The following CDH8 variants were observed in gnomAD, a reference collection of about 807,000 sequenced individuals.
CDH8 encodes the protein cadherin 8.
In CDH8, 17 loss-of-function variants were observed where a neutral mutation model predicts 68.1. That is an observed-to-expected ratio of 0.25 (90% CI 0.17 to 0.37). CDH8 has a LOEUF of 0.37. CDH8 is among the 10% of genes least tolerant of loss of function. CDH8 has a pLI of 1.00. For synonymous variants in CDH8, 372 were observed against 365.1 expected (o/e 1.02, Z -0.21); for missense variants, 763 against 999.3 (o/e 0.76, Z 3.19).
chr16:62,007,627 A>C (rs1965999687), intron 2 of CDH8, among the ~76,000 whole-genome samples: 1 of 152,316 alleles, frequency 6.6e-6, no homozygotes, highest in East Asian at 1.9e-4. Flanking sequence ...CTGTGTGAAC[A>C]GAAAAGTATA....
At chr16:61,936,022 G>A (rs563379996) in intron 2 of CDH8, among the ~76,000 whole-genome samples, 2 of 152,176 alleles carry the variant, frequency 1.3e-5, no homozygotes, top group African/African-American at 2.4e-5. Context: ...TACTAGCTGT[G>A]TCCTTTAAAA....
At position 61,652,963 on chromosome 16, in the gene CDH8, C is replaced by T. The variant is rs901992990; in HGVS notation, c.*645G>A. ...CACCACTGAATTGGCAAGCCCCACC[C>T]TGGAATGGATTACGAACATGTGAAT... On this transcript the variant is annotated 3_prime_UTR_variant, in exon 12 of 12. Transcript: ENST00000577390. The T allele has an allele frequency of 2.6e-5, 40 of 1,516,762 alleles. No homozygotes were observed. Among genetic ancestry groups the T allele is most frequent in the Non-Finnish European group, 3.2e-5 (36 of 1,138,746 alleles). The allele number at this position is 1,516,762 out of a possible 1,614,324, so 94.0% of individuals were successfully genotyped here.
At chr16:61,782,331 C>CG (rs1257901923) in intron 8 of CDH8, among the ~76,000 whole-genome samples, 4 of 152,216 alleles carry the variant, frequency 2.6e-5, no homozygotes, top group African/African-American at 7.2e-5. Context: ...GGGTGACGGA[C>CG]GCACCTGGAA....
chr16:61,851,367 A>T (rs1016569947), intron 4 of CDH8, among the ~76,000 whole-genome samples: 13 of 152,070 alleles, frequency 8.5e-5, no homozygotes, highest in Admixed American at 7.9e-4. Context: ...TCAATGAATT[A>T]ACTTAGTTTA....
chr16:61,739,915 A>ATATATATATAT (rs373723105), intron 8 of CDH8, among the ~76,000 whole-genome samples: 1 of 109,574 alleles, frequency 9.1e-6, no homozygotes, highest in African/African-American at 3.7e-5. Context: ...ATATATATGT[A>ATATATATATAT]TTTTTTTTTT....
intron 1 of CDH8, among the ~76,000 whole-genome samples, chr16:62,035,869 C>A (rs917921317): frequency 6.6e-6 from 1 of 152,168 alleles, no homozygotes; most frequent in African/African-American, 2.4e-5. Context: ...AACAGTCAGG[C>A]AAAACCTTGA....
At chr16:62,025,221 G>T (rs1358678223) in intron 1 of CDH8, among the ~76,000 whole-genome samples, 2 of 152,154 alleles carry the variant, frequency 1.3e-5, no homozygotes, top group Non-Finnish European at 2.9e-5. Context: ...ATCTCTGAAT[G>T]AATCAGCATC....
intron 3 of CDH8, among the ~76,000 whole-genome samples, chr16:61,865,810 G>C (rs996614294): frequency 1.3e-5 from 2 of 152,152 alleles, no homozygotes; most frequent in African/African-American, 4.8e-5. Context: ...GTAAATGCTT[G>C]AGAACTAAAT....
At chr16:61,891,211 G>A (rs1421235871) in intron 3 of CDH8, among the ~76,000 whole-genome samples, 1 of 152,030 alleles carries the variant, frequency 6.6e-6, no homozygotes, top group African/African-American at 2.4e-5. Flanking sequence ...TTGGTTAATT[G>A]TATTTTTCTG....
chr16:61,943,316 C>T (rs745920196), intron 2 of CDH8, among the ~76,000 whole-genome samples: 4 of 152,044 alleles, frequency 2.6e-5, no homozygotes, highest in Non-Finnish European at 4.4e-5. Context: ...ACTAACATTA[C>T]GTGTTGCGTG....
At chr16:61,775,015 G>A (rs370058974) in intron 8 of CDH8, among the ~76,000 whole-genome samples, 38 of 152,092 alleles carry the variant, frequency 2.5e-4, no homozygotes, top group African/African-American at 7.5e-4. Flanking sequence ...AATACAAATC[G>A]CTATTTAAGA....
At chr16:61,886,621 CAAG>C (rs1383272999) in intron 3 of CDH8, among the ~76,000 whole-genome samples, 5 of 152,306 alleles carry the variant, frequency 3.3e-5, no homozygotes, top group African/African-American at 1.2e-4. Flanking sequence ...AGCAAACCAA[CAAG>C]AAGTTTCACA....
At chr16:61,964,805 C>T (rs571053406) in intron 2 of CDH8, among the ~76,000 whole-genome samples, 9 of 152,280 alleles carry the variant, frequency 5.9e-5, no homozygotes, top group South Asian at 2.1e-4. Context: ...TTCCATCCTA[C>T]CCTACTGCTT....
Position 61,711,042 on chromosome 16 carries a change from C to T in CDH8, c.1654+2799G>A, listed in dbSNP as rs142369353. Among the ~76,000 whole-genome samples, 478 of 151,970 alleles carry T rather than the reference C, an allele frequency of 3.1e-3. 2 individuals carry two copies. The highest frequency in any genetic ancestry group is 0.011 in the African/African-American group (445 of 41,530). ...GTGAACATGTGGTATAAAAGGTTCACTGTATTTTTGACCTTTACTTCTATC... is the reference window on the plus strand; with the variant it reads ...GTGAACATGTGGTATAAAAGGTTCATTGTATTTTTGACCTTTACTTCTATC... On this transcript the variant is annotated intron_variant, in intron 10 of 11. Coordinates refer to ENST00000577390, the MANE Select transcript of CDH8 (RefSeq NM_001796.5).
intron 2 of CDH8, among the ~76,000 whole-genome samples, chr16:61,921,763 GGCTCAC>G (rs1397569062): frequency 2.6e-5 from 4 of 152,182 alleles, no homozygotes; most frequent in Non-Finnish European, 1.5e-5. Context: ...CCAGCTGCAT[GGCTCAC>G]GCCTTTAATT....
At chr16:61,713,743 CA>C in intron 10 of CDH8, 97 bp downstream of exon 10, 1 of 691,020 alleles carries the variant, frequency 1.4e-6, no homozygotes, top group East Asian at 2.7e-5. Flanking sequence ...CATAGTTGAA[CA>C]AAAATTATCT....
chr16:61,984,645 TTTTTA>T (rs1262695139), intron 2 of CDH8, among the ~76,000 whole-genome samples: 2 of 152,096 alleles, frequency 1.3e-5, no homozygotes, highest in South Asian at 2.1e-4. Context: ...TTTGTTGTAC[TTTTTA>T]TTTTATTTTA....
intron 2 of CDH8, among the ~76,000 whole-genome samples, chr16:61,977,900 A>G (rs538219596): frequency 6.6e-6 from 1 of 152,040 alleles, no homozygotes; most frequent in African/African-American, 2.4e-5. Flanking sequence ...AGCACTACTA[A>G]GCATTCAGTA....
chr16:61,739,734 A>AAAAAG (rs529131501), intron 8 of CDH8, among the ~76,000 whole-genome samples: 3,982 of 141,990 alleles, frequency 0.028, 285 homozygotes, highest in East Asian at 0.21. Flanking sequence ...CCTCAAAAAA[A>AAAAAG]AAAAGAAAAG....
Sources: gnomAD v4.1 joint callset for allele counts (sites outside exome capture counted in the v4.1 genomes callset) on GRCh38, gnomAD v4.1.1 for gene constraint, MANE v1.5 for transcripts, NCBI Gene and HGNC (gene_info 2026-07-23, HGNC 2026-07-21) for gene names.